The following PCDHGA6 variants were observed in gnomAD, a reference collection of about 807,000 sequenced individuals.
PCDHGA6 encodes protocadherin gamma-A6.
PCDHGA6 carries 41 observed loss-of-function variants against 60.6 expected under a neutral mutation model. The ratio of observed to expected loss-of-function variants is 0.68; its 90% CI spans 0.53 to 0.88. The LOEUF (loss-of-function observed/expected upper bound fraction) is 0.88. Ranked by LOEUF, PCDHGA6 falls within the 40% of genes least tolerant of loss-of-function variation. The pLI is 0.00. For missense variants in PCDHGA6, 1,312 were observed against 1,203.0 expected, an observed-to-expected ratio of 1.09 and a Z score of -1.34; for synonymous variants, 594 against 524.4, an observed-to-expected ratio of 1.13 and a Z score of -1.81.
At chr5:141,427,695 C>T in intron 1 of PCDHGA6, 1 of 918,214 alleles carries the variant, frequency 1.1e-6, no homozygotes, top group Non-Finnish European at 1.7e-6. Context: ...CTCCATCCCA[C>T]AAGTCAGCGC....
intron 1 of PCDHGA6, chr5:141,383,835 T>C (rs950729427): frequency 4.3e-6 from 7 of 1,613,802 alleles, no homozygotes; most frequent in Admixed American, 1.7e-5. Flanking sequence ...ATGAAGAAAC[T>C]GCCTTCTATG....
intron 1 of PCDHGA6, among the ~76,000 whole-genome samples, chr5:141,462,027 TG>T (rs1239347302): frequency 6.6e-6 from 1 of 152,220 alleles, no homozygotes; most frequent in African/African-American, 2.4e-5. Flanking sequence ...TTCTTCATGT[TG>T]GTCAGGCGGG....
At position 141,414,753 on chromosome 5, in the gene PCDHGA6, T is replaced by C. The variant is rs10041534; in HGVS notation, c.2424+38246T>C. 7.9e-4 allele frequency: 1,273 copies of C among 1,614,202 alleles called. 15 individuals carry two copies. The African/African-American group carries it at 0.015, about 19-fold the overall frequency. ...TGTATGCACTCAGATCCTTCGACTA[T>C]GAGCAGTTTCATGAGCTACAGATGC... On this transcript the variant is annotated intron_variant, in intron 1 of 3. Transcript: ENST00000517434.
At chr5:141,454,426 GAC>G (rs746508144) in intron 1 of PCDHGA6, among the ~76,000 whole-genome samples, 3 of 152,168 alleles carry the variant, frequency 2.0e-5, no homozygotes, top group Non-Finnish European at 2.9e-5. Context: ...TTTATTTAGA[GAC>G]AGAGTTTCAC....
At chr5:141,500,582 T>G (rs534297929) in intron 2 of PCDHGA6, among the ~76,000 whole-genome samples, 29 of 152,314 alleles carry the variant, frequency 1.9e-4, no homozygotes, top group African/African-American at 6.7e-4. Flanking sequence ...ATGTGACACT[T>G]TATTCACATA....
At chr5:141,480,240 CAA>C (rs11374694) in intron 1 of PCDHGA6, among the ~76,000 whole-genome samples, 8 of 114,006 alleles carry the variant, frequency 7.0e-5, no homozygotes, top group Non-Finnish European at 7.5e-5. Flanking sequence ...CCTGTCTCTA[CAA>C]AAAAAAAAAA....
intron 1 of PCDHGA6, among the ~76,000 whole-genome samples, chr5:141,469,723 C>G (rs2099209474): frequency 6.6e-6 from 1 of 152,210 alleles, no homozygotes; most frequent in Non-Finnish European, 1.5e-5. Context: ...AGGAATTTAT[C>G]ATAAATACAC....
chr5:141,380,586 A>G (rs1776590608), intron 1 of PCDHGA6, among the ~76,000 whole-genome samples: 1 of 152,226 alleles, frequency 6.6e-6, no homozygotes, highest in Non-Finnish European at 1.5e-5. Context: ...GCGGTCTAGT[A>G]AAGATCTTTA....
rs767577725 is a variant in PCDHGA6, at chr5:141,485,642, G to C, written c.2425-9165G>C. On this transcript the variant is annotated intron_variant, in intron 1 of 3. Transcript: ENST00000517434. This position sits in a 1 kb window ranked among gnomAD's most constrained non-coding sequence, Gnocchi z 5.7. ...AGGACAGCGTTTCCCGTTGGAAAAGGCTCAGGATGCAGATGTGGGGAGCAA... is the reference window on the plus strand; with the variant it reads ...AGGACAGCGTTTCCCGTTGGAAAAGCCTCAGGATGCAGATGTGGGGAGCAA... 2 of 1,612,044 alleles carry C rather than the reference G, an allele frequency of 1.2e-6. No individual in the cohort carries two copies. The highest frequency in any genetic ancestry group is 8.5e-7 in the Non-Finnish European group (1 of 1,178,592).
At chr5:141,408,738 C>A in intron 1 of PCDHGA6, 1 of 1,609,632 alleles carries the variant, frequency 6.2e-7, no homozygotes, top group Non-Finnish European at 8.5e-7. Flanking sequence ...CCTTATTTTT[C>A]ATTAATGGTT....
chr5:141,383,681 T>G (rs1299329378), intron 1 of PCDHGA6: 2 of 1,613,902 alleles, frequency 1.2e-6, no homozygotes, highest in Non-Finnish European at 1.7e-6. Flanking sequence ...GGTACAAGAC[T>G]GCTCACGGTA....
chr5:141,393,348 T>C (rs754496387), intron 1 of PCDHGA6: 16 of 1,613,730 alleles, frequency 9.9e-6, no homozygotes, highest in Non-Finnish European at 1.4e-5. Context: ...TCACCACTTC[T>C]CCCTGGACGT....
intron 1 of PCDHGA6, among the ~76,000 whole-genome samples, chr5:141,467,960 C>T (rs1303642319): frequency 6.6e-6 from 1 of 151,998 alleles, no homozygotes; most frequent in Non-Finnish European, 1.5e-5. Flanking sequence ...CACCCGGCTG[C>T]CAGAAAATTT....
Position 141,511,151 on chromosome 5 carries a change from C to T in PCDHGA6, c.2777C>T (p.Ser926Leu), listed in dbSNP as rs202071188. The T allele has an allele frequency of 3.0e-5, 49 of 1,614,152 alleles. No individual in the cohort carries two copies. The highest frequency in any genetic ancestry group is 2.6e-4 in the South Asian group (24 of 91,066). The change falls in exon 4 of 4, where the codon TCG becomes TTG. Residue 926 changes from serine (S) to leucine (L), a missense_variant. Ser to Leu is a moderately radical substitution (Grantham distance 145, BLOSUM62 -2). Coordinates refer to ENST00000517434, the MANE Select transcript of PCDHGA6 (RefSeq NM_018919.3). ...GGTGGCAATGGCAACAAGAAGAAGT[C>T]GGGCAAGAAGGAGAAGAAGTAACAT... ...PAGGNGNKKK[S>L]GKKEKK
At chr5:141,425,209 A>ATCAT (rs1368049572) in intron 1 of PCDHGA6, among the ~76,000 whole-genome samples, 2 of 152,180 alleles carry the variant, frequency 1.3e-5, no homozygotes, top group Admixed American at 1.3e-4. Flanking sequence ...GATGTAAGGC[A>ATCAT]TTGTACTTTG....
chr5:141,388,745 C>T lies in PCDHGA6; in HGVS notation c.2424+12238C>T, dbSNP rs1280615634. Reference sequence around the variant, plus strand: ...TCTCTTTCAGTGAAGCTAGCCAGATCACCCAATTTGACCTGAACTCTAACA... The same window carrying T: ...TCTCTTTCAGTGAAGCTAGCCAGATTACCCAATTTGACCTGAACTCTAACA... On this transcript the variant is annotated intron_variant, in intron 1 of 3. Coordinates refer to ENST00000517434, the MANE Select transcript of PCDHGA6 (RefSeq NM_018919.3). 3 of 1,614,024 alleles carry T rather than the reference C, an allele frequency of 1.9e-6. No individual in the cohort carries two copies. The Admixed American group carries it at 5.0e-5, about 27-fold the overall frequency.
At chr5:141,424,092 C>G (rs1160250641) in intron 1 of PCDHGA6, 2 of 879,256 alleles carry the variant, frequency 2.3e-6, no homozygotes, top group Non-Finnish European at 2.8e-6. Context: ...CCATTATTTG[C>G]TATTACTGCT....
chr5:141,400,728 T>C, intron 1 of PCDHGA6: 1 of 648,188 alleles, frequency 1.5e-6, no homozygotes. Context: ...ATTTACAAAG[T>C]AGTGAGAGTT....
chr5:141,429,389 A>T (rs6890456), intron 1 of PCDHGA6, among the ~76,000 whole-genome samples: 7,460 of 147,570 alleles, frequency 0.051, 197 homozygotes, highest in South Asian at 0.075. Flanking sequence ...TTTTTTTTTA[A>T]AAAAAATTGA....
Sources: gnomAD v4.1 joint callset for allele counts (sites outside exome capture counted in the v4.1 genomes callset) on GRCh38, gnomAD v4.1.1 for gene constraint, Gnocchi (gnomAD v3.1) non-coding constraint, MANE v1.5 for transcripts, NCBI Gene and HGNC (gene_info 2026-07-23, HGNC 2026-07-21) for gene names.